The following KHDRBS2 variants were observed in gnomAD, a reference collection of about 807,000 sequenced individuals.
KHDRBS2 encodes KH RNA binding domain containing, signal transduction associated 2, also known as KH domain-containing, RNA-binding, signal transduction-associated protein 2.
Under a neutral mutation model 44.3 loss-of-function variants are expected in KHDRBS2, and 26 were observed. The observed-to-expected ratio is 0.59, with a 90% confidence interval of 0.43 to 0.81. The LOEUF (loss-of-function observed/expected upper bound fraction) is 0.81. Among genes scored for constraint, KHDRBS2 ranks in the 40% least tolerant of loss-of-function variants. The pLI is 0.00. For missense variants in KHDRBS2, 476 were observed against 433.1 expected (o/e 1.10, Z -0.88); for synonymous variants, 194 against 151.1 (o/e 1.28, Z -2.08).
intron 6 of KHDRBS2, among the ~76,000 whole-genome samples, chr6:61,767,935 T>G (rs1028876431): frequency 6.6e-6 from 1 of 152,176 alleles, no homozygotes; most frequent in Non-Finnish European, 1.5e-5. Context: ...GTTATAATAT[T>G]CTGTGTTTTT....
rs769074852 is a variant in KHDRBS2, at chr6:61,680,476, C to T, written c.*487G>A. On this transcript the variant is annotated 3_prime_UTR_variant, in exon 9 of 9. Transcript: ENST00000281156. ...AATTTACAAACTTAATATCAAACAT[C>T]TTTGTCTAACTAACAGATATTAAAA... 1 of 152,000 alleles carries T rather than the reference C, an allele frequency of 6.6e-6. No individual in the cohort carries two copies. The highest frequency in any genetic ancestry group is 1.5e-5 in the Non-Finnish European group (1 of 67,866). The allele number at this position is 152,000 out of a possible 1,614,324, so 9.4% of individuals were successfully genotyped here.
intron 2 of KHDRBS2, among the ~76,000 whole-genome samples, chr6:62,115,103 T>G (rs1284495898): frequency 6.6e-6 from 1 of 152,188 alleles, no homozygotes; most frequent in African/African-American, 2.4e-5. Context: ...CTGAATTTTC[T>G]TGAAAAATAT....
intron 2 of KHDRBS2, among the ~76,000 whole-genome samples, chr6:62,053,956 T>C (rs1341311476): frequency 1.3e-5 from 2 of 152,000 alleles, no homozygotes; most frequent in African/African-American, 4.8e-5. Context: ...ACCATTTATA[T>C]AGGAATTTTA....
chr6:61,682,036 T>C (rs917794659), intron 8 of KHDRBS2, among the ~76,000 whole-genome samples: 4 of 151,852 alleles, frequency 2.6e-5, no homozygotes, highest in African/African-American at 9.7e-5. Flanking sequence ...TAGAGACGCA[T>C]AGATATTGAT....
the KHDRBS2 span, among the ~76,000 whole-genome samples, chr6:61,628,238 TTTTCA>T: frequency 2.1e-4 from 15 of 71,034 alleles, no homozygotes; most frequent in African/African-American, 4.3e-4. Context: ...TTTTTTTTTT[TTTTCA>T]ACCTGGGCTG....
intron 2 of KHDRBS2, among the ~76,000 whole-genome samples, chr6:62,107,925 C>A (rs1286204811): frequency 5.9e-5 from 9 of 152,062 alleles, no homozygotes; most frequent in Non-Finnish European, 7.4e-5. Flanking sequence ...CTTCCTTACA[C>A]CTTATACAAA....
chr6:61,586,995 A>G, the KHDRBS2 span, among the ~76,000 whole-genome samples: 1 of 152,164 alleles, frequency 6.6e-6, no homozygotes, highest in East Asian at 1.9e-4. Flanking sequence ...CTTCTGACTA[A>G]TTTAGCTGCA....
intron 7 of KHDRBS2, among the ~76,000 whole-genome samples, chr6:61,724,087 A>C (rs1773151511): frequency 6.6e-6 from 1 of 152,324 alleles, no homozygotes; most frequent in East Asian, 1.9e-4. Context: ...TCACCTGCAA[A>C]GCAAAGCCTA....
chr6:61,993,004 C>A (rs927733923), intron 3 of KHDRBS2, among the ~76,000 whole-genome samples: 3 of 152,094 alleles, frequency 2.0e-5, no homozygotes, highest in Non-Finnish European at 4.4e-5. Context: ...AAGCTTCAAG[C>A]GCAGTTGCTT....
rs550021405 is a variant in KHDRBS2 at position 61,973,037 on chromosome 6, G to C, written c.483+5029C>G. Among the ~76,000 whole-genome samples, 99 of 152,158 alleles carry C rather than the reference G, an allele frequency of 6.5e-4. 1 individual carries two copies. In the South Asian group the frequency reaches 0.02, roughly 31 times the overall value. ...GGCATGCACCTGTAATCCCAGCTAA[G>C]GCAGGAGAATCACTTGAACCTGGGA... On this transcript the variant is annotated intron_variant, in intron 4 of 8. Transcript: ENST00000281156.
At chr6:62,223,442 A>G (rs1003410619) in intron 1 of KHDRBS2, among the ~76,000 whole-genome samples, 3 of 152,214 alleles carry the variant, frequency 2.0e-5, no homozygotes, top group Non-Finnish European at 4.4e-5. Context: ...GCTGCCGTGA[A>G]GACCTAGACT....
chr6:61,953,454 AC>A (rs1379507723), intron 4 of KHDRBS2, among the ~76,000 whole-genome samples: 7 of 152,054 alleles, frequency 4.6e-5, no homozygotes, highest in African/African-American at 1.7e-4. Flanking sequence ...CTGACTCAGA[AC>A]CATCTAAACT....
the KHDRBS2 span, among the ~76,000 whole-genome samples, chr6:61,578,712 G>C: frequency 9.2e-5 from 14 of 152,028 alleles, no homozygotes; most frequent in Non-Finnish European, 1.8e-4. Context: ...CAGATTTGTC[G>C]GTAGTAAAGC....
intron 2 of KHDRBS2, among the ~76,000 whole-genome samples, chr6:62,085,382 T>A (rs916603611): frequency 2.0e-5 from 3 of 151,964 alleles, no homozygotes; most frequent in Non-Finnish European, 4.4e-5. Flanking sequence ...CATTAAAATA[T>A]GGAGGGTGGT....
At chr6:61,624,880 T>A in the KHDRBS2 span, among the ~76,000 whole-genome samples, 91 of 152,288 alleles carry the variant, frequency 6.0e-4, 2 homozygotes, top group Admixed American at 4.7e-3. Flanking sequence ...GAGGTCCTAG[T>A]CTGCAAAAGG....
chr6:61,993,386 T>C (rs1776510641), intron 3 of KHDRBS2, among the ~76,000 whole-genome samples: 1 of 151,898 alleles, frequency 6.6e-6, no homozygotes, highest in Admixed American at 6.6e-5. Context: ...AGATGCTACA[T>C]AAACAGAAAG....
intron 6 of KHDRBS2, among the ~76,000 whole-genome samples, chr6:61,881,328 TA>T (rs1393823644): frequency 1.3e-5 from 2 of 150,660 alleles, no homozygotes. Flanking sequence ...GTTACTCTCC[TA>T]ACCTTAATTT....
At chr6:61,750,844 A>G (rs1777576600) in intron 6 of KHDRBS2, among the ~76,000 whole-genome samples, 1 of 151,946 alleles carries the variant, frequency 6.6e-6, no homozygotes, top group East Asian at 1.9e-4. Flanking sequence ...TCCTTCCAAC[A>G]TGGAATTTCT....
the KHDRBS2 span, among the ~76,000 whole-genome samples, chr6:61,662,897 T>G: frequency 6.6e-6 from 1 of 151,936 alleles, no homozygotes; most frequent in Admixed American, 6.6e-5. Flanking sequence ...ATCCCATTAC[T>G]GGGTATATAC....
Sources: gnomAD v4.1 joint callset for allele counts (sites outside exome capture counted in the v4.1 genomes callset) on GRCh38, gnomAD v4.1.1 for gene constraint, MANE v1.5 for transcripts, NCBI Gene and HGNC (gene_info 2026-07-23, HGNC 2026-07-21) for gene names.